CAPZB: variants seen among roughly 807,000 people sequenced by gnomAD.
CAPZB encodes capping actin protein of muscle Z-line subunit beta.
CAPZB carries 2 observed loss-of-function variants against 38.1 expected under a neutral mutation model. That is an observed-to-expected ratio of 0.05 (90% CI 0.02 to 0.17). CAPZB has a LOEUF of 0.17. Among genes scored for constraint, CAPZB ranks in the 10% least tolerant of loss-of-function variants. CAPZB has a pLI of 1.00. For synonymous variants in CAPZB, 107 were observed against 127.4 expected, an observed-to-expected ratio of 0.84 and a Z score of 1.08; for missense variants, 161 against 334.2, an observed-to-expected ratio of 0.48 and a Z score of 4.04.
chr1:19,348,123 AG>A (rs1344039246), intron 6 of CAPZB, among the ~76,000 whole-genome samples: 2 of 152,196 alleles, frequency 1.3e-5, no homozygotes, highest in Non-Finnish European at 2.9e-5. Flanking sequence ...TGCCCAGATA[AG>A]GGGCAGCATT....
intron 1 of CAPZB, among the ~76,000 whole-genome samples, chr1:19,434,237 C>T (rs1383876982): frequency 2.6e-5 from 4 of 152,194 alleles, no homozygotes; most frequent in East Asian, 1.9e-4. Context: ...AAAGCCCATA[C>T]TCGCCATTTC....
rs1223407449 is a variant in CAPZB, at chr1:19,411,554, A to G, written c.93+8107T>C. ...CCCAAGGAACACACACACAAAATAA[A>G]GCCAATGGCCCTACTAATCTCTTTG... On this transcript the variant is annotated intron_variant, in intron 2 of 8. Transcript: ENST00000264202. Among the ~76,000 whole-genome samples, 3 of 152,210 alleles carry G rather than the reference A, an allele frequency of 2.0e-5. No homozygotes were observed. The East Asian group carries it at 5.8e-4, about 29-fold the overall frequency.
Position 19,345,202 on chromosome 1 carries a change from G to A in CAPZB, c.639C>T (p.Ile213=), listed in dbSNP as rs772154111. 16 of 1,613,782 alleles carry A rather than the reference G, an allele frequency of 9.9e-6. No individual in the cohort carries two copies. The highest frequency in any genetic ancestry group is 6.7e-5 in the Admixed American group (4 of 60,008). The change falls in exon 7 of 9, where the codon ATC becomes ATT. Residue 213 remains isoleucine, a synonymous_variant. Coordinates refer to ENST00000264202, the MANE Select transcript of CAPZB (RefSeq NM_004930.5). ...VSDCSPHIAN[I]GRLVEDMENK... is the part of the protein sequence containing the mutation. ...GGTCACTCACCTCTACCAGGCGCCC[G>A]ATGTTGGCTATGTGTGGGGAGCAGT...
chr1:19,410,971 A>G (rs1379925619), intron 2 of CAPZB, among the ~76,000 whole-genome samples: 6 of 152,166 alleles, frequency 3.9e-5, no homozygotes, highest in African/African-American at 1.4e-4. Flanking sequence ...ATGAAGACAG[A>G]TAAGGTCCTG....
At chr1:19,442,531 C>T (rs2094481137) in intron 1 of CAPZB, among the ~76,000 whole-genome samples, 1 of 152,198 alleles carries the variant, frequency 6.6e-6, no homozygotes, top group Admixed American at 6.5e-5. Flanking sequence ...GCCTGGTTGC[C>T]ACCTACTCCT....
At chr1:19,341,504 C>T (rs764396839) in intron 8 of CAPZB, among the ~76,000 whole-genome samples, 6 of 152,096 alleles carry the variant, frequency 3.9e-5, no homozygotes, top group African/African-American at 9.7e-5. Flanking sequence ...TGGTGGAAGG[C>T]GGAAGGAGCA....
intron 2 of CAPZB, among the ~76,000 whole-genome samples, chr1:19,404,186 T>A (rs971128433): frequency 2.3e-5 from 3 of 129,722 alleles, no homozygotes; most frequent in Non-Finnish European, 4.6e-5. Context: ...TGAGCCAAGA[T>A]CGTACAACTG....
At chr1:19,417,383 C>T (rs11804413) in intron 2 of CAPZB, among the ~76,000 whole-genome samples, 28,745 of 152,126 alleles carry the variant, frequency 0.19, 3,251 homozygotes, top group South Asian at 0.29. Context: ...TGCTTTCATG[C>T]TGAGTTTAGA....
chr1:19,352,670 C>G (rs2093997972), intron 6 of CAPZB, among the ~76,000 whole-genome samples: 1 of 152,272 alleles, frequency 6.6e-6, no homozygotes, highest in Admixed American at 6.5e-5. Flanking sequence ...AAGGTATGAT[C>G]CGGCCGGCCT....
At chr1:19,418,805 A>G (rs1195612684) in intron 2 of CAPZB, among the ~76,000 whole-genome samples, 1 of 152,224 alleles carries the variant, frequency 6.6e-6, no homozygotes, top group Admixed American at 6.5e-5. Flanking sequence ...TAAATAAATC[A>G]CTACAGCATA....
intron 2 of CAPZB, among the ~76,000 whole-genome samples, chr1:19,403,575 G>A (rs1388779582): frequency 6.6e-6 from 1 of 152,254 alleles, no homozygotes; most frequent in Non-Finnish European, 1.5e-5. Flanking sequence ...GCTTGATCCC[G>A]ACAATGTGGA....
intron 2 of CAPZB, among the ~76,000 whole-genome samples, chr1:19,404,232 CAAAAAAAAAA>C (rs35225006): frequency 1.6e-5 from 1 of 62,432 alleles, no homozygotes; most frequent in Non-Finnish European, 2.9e-5. Flanking sequence ...GACTCCATCT[CAAAAAAAAAA>C]AAAAAAAAAA....
intron 2 of CAPZB, among the ~76,000 whole-genome samples, chr1:19,393,888 G>A (rs1394586452): frequency 1.3e-5 from 2 of 152,258 alleles, no homozygotes; most frequent in Admixed American, 6.5e-5. Flanking sequence ...CTGCCCAGCA[G>A]AGCCTAGTGA....
Position 19,444,053 on chromosome 1 carries a change from G to C in CAPZB, c.4-24303C>G, listed in dbSNP as rs548385202. ...CACGCCTGTAATCCCAGCTACTCAG[G>C]GGGCTGAGGCAGGAGAATTGCTTGA... On this transcript the variant is annotated intron_variant, in intron 1 of 8. Transcript: ENST00000264202. Among the ~76,000 whole-genome samples the C allele has an allele frequency of 2.2e-4, 34 of 152,186 alleles. 1 individual carries two copies. Among genetic ancestry groups the C allele is most frequent in the Non-Finnish European group, 1.3e-4 (9 of 68,046 alleles).
intron 2 of CAPZB, among the ~76,000 whole-genome samples, chr1:19,389,072 G>C (rs1234181363): frequency 6.6e-6 from 1 of 152,130 alleles, no homozygotes; most frequent in Non-Finnish European, 1.5e-5. Flanking sequence ...AAGATAATCT[G>C]CTCTGGAATA....
chr1:19,347,536 C>G lies in CAPZB; in HGVS notation c.589-2284G>C, dbSNP rs536567327. 8.5e-5 allele frequency among the ~76,000 whole-genome samples: 13 copies of G among 152,294 alleles called. No homozygotes were observed. In the East Asian group the frequency reaches 2.5e-3, roughly 29 times the overall value. The stretch of plus-strand genomic sequence containing the variant: ...GGTCAGGGTCAGCTCGCTGGCAACA[C>G]CGACCCACCAAAAATAGAACCATTT... On this transcript the variant is annotated intron_variant, in intron 6 of 8. Coordinates refer to ENST00000264202, the MANE Select transcript of CAPZB (RefSeq NM_004930.5).
chr1:19,397,875 G>C (rs572636949), intron 2 of CAPZB, among the ~76,000 whole-genome samples: 1 of 152,304 alleles, frequency 6.6e-6, no homozygotes, highest in East Asian at 1.9e-4. Flanking sequence ...GGAGGAGCCA[G>C]ATGGGGCAGC....
intron 1 of CAPZB, among the ~76,000 whole-genome samples, chr1:19,462,470 A>AC (rs1376418331): frequency 6.6e-6 from 1 of 152,080 alleles, no homozygotes; most frequent in African/African-American, 2.4e-5. Context: ...AAAAAAAAAA[A>AC]ATTAAAATTA....
intron 1 of CAPZB, among the ~76,000 whole-genome samples, chr1:19,483,489 A>G (rs1211347408): frequency 6.6e-6 from 1 of 152,246 alleles, no homozygotes; most frequent in Non-Finnish European, 1.5e-5. Context: ...GGTGAAGCAC[A>G]CCACAGTGAC....
Sources: allele counts gnomAD v4.1 joint callset (sites outside exome capture counted in the v4.1 genomes callset), GRCh38; gene constraint gnomAD v4.1.1; transcripts MANE v1.5; gene names NCBI Gene and HGNC (gene_info 2026-07-23, HGNC 2026-07-21).